The following DRP2 variants were observed in gnomAD, a reference collection of about 807,000 sequenced individuals.
DRP2 encodes the protein dystrophin related protein 2, also known as dystrophin-related protein 2.
A neutral mutation model predicts 78.2 loss-of-function variants in DRP2; 29 were observed. The ratio of observed to expected loss-of-function variants is 0.37; its 90% CI spans 0.28 to 0.51. The LOEUF is 0.51. DRP2 is among the 20% of genes least tolerant of loss of function. The pLI is 0.94. For missense variants in DRP2, 686 were observed against 770.6 expected, an observed-to-expected ratio of 0.89 and a Z score of 1.30; for synonymous variants, 290 against 281.9, an observed-to-expected ratio of 1.03 and a Z score of -0.29.
At chrX:101,223,428 T>C (rs1265000387) in intron 1 of DRP2, among the ~76,000 whole-genome samples, 1 of 112,590 alleles carries the variant, frequency 8.9e-6, no homozygotes, top group Non-Finnish European at 1.9e-5. Context: ...CTTTATCTAT[T>C]CTGCTGTTGA....
intron 2 of DRP2, among the ~76,000 whole-genome samples, chrX:101,231,355 G>C (rs955703815): frequency 1.9e-4 from 21 of 112,049 alleles, no homozygotes; most frequent in African/African-American, 6.8e-4. Flanking sequence ...CTTAGGCTTT[G>C]AGATCTCAGC....
rs147146111 is a variant in DRP2, at chrX:101,246,313, G to A, written c.1178-777G>A. Among the ~76,000 whole-genome samples, 135 of 112,466 alleles carry A rather than the reference G, an allele frequency of 1.2e-3. No individual in the cohort carries two copies. The East Asian group carries it at 0.018, about 15-fold the overall frequency. On this transcript the variant is annotated intron_variant, in intron 11 of 23. Coordinates refer to ENST00000395209, the MANE Select transcript of DRP2 (RefSeq NM_001939.3). ...AAAGACTGTCCAGGCTGTGATGAGC[G>A]TAACTCTTGTGTGCCTTATCTTTGC...
chrX:101,255,399 C>T lies in DRP2; in HGVS notation c.2246+150C>T, dbSNP rs144388102. On this transcript the variant is annotated intron_variant, in intron 20 of 23. Transcript: ENST00000395209. Reference sequence around the variant, plus strand: ...AGGAAGGAAGGCTGCTTTCTGGGCACGGTGTTCAGTAAGAAAGGCAGTCTT... The same window carrying T: ...AGGAAGGAAGGCTGCTTTCTGGGCATGGTGTTCAGTAAGAAAGGCAGTCTT... 2.3e-3 allele frequency: 1,210 copies of T among 533,417 alleles called. 12 individuals carry two copies. In the African/African-American group the frequency reaches 0.025, roughly 11 times the overall value. 44.0% of individuals were successfully genotyped at this position (533,417 alleles called of 1,213,427 possible). A position where few individuals can be genotyped will look rare whatever the true frequency, so the allele number is the denominator to read the frequency against.
intron 1 of DRP2, among the ~76,000 whole-genome samples, chrX:101,224,198 T>G (rs1445459559): frequency 2.4e-4 from 15 of 61,412 alleles, no homozygotes; most frequent in South Asian, 1.0e-3. Context: ...TTTGTTTTTT[T>G]TTTTTTTTTT....
At position 101,250,966 on chromosome X, in the gene DRP2, A is replaced by G; in HGVS notation, c.1748A>G (p.Asn583Ser). 1 of 1,211,681 alleles carries G rather than the reference A, an allele frequency of 8.3e-7. No homozygotes were observed. The highest frequency in any genetic ancestry group is 1.8e-5 in the South Asian group (1 of 56,943). The change falls in exon 16 of 24, where the codon AAC becomes AGC. Residue 583 changes from asparagine to serine, a missense_variant. Asn to Ser is a conservative substitution (Grantham distance 46). Coordinates refer to ENST00000395209, the MANE Select transcript of DRP2 (RefSeq NM_001939.3). ...GCATCCCAGTTCCTGGAGTGGGTCAACCTGGAGCCCCAGTCCATGGTGTGG... is the reference window on the plus strand; with the variant it reads ...GCATCCCAGTTCCTGGAGTGGGTCAGCCTGGAGCCCCAGTCCATGGTGTGG... ...IEASQFLEWV[N>S]LEPQSMVWLA...
rs1260723771 is a variant in DRP2 at position 101,252,471 on chromosome X, G to A, written c.1866-134G>A. 3 of 475,056 alleles carry A rather than the reference G, an allele frequency of 6.3e-6. No individual in the cohort carries two copies. The East Asian group carries it at 1.1e-4, about 17-fold the overall frequency. 39.1% of individuals were successfully genotyped at this position (475,056 alleles called of 1,213,427 possible). On this transcript the variant is annotated intron_variant, in intron 16 of 23. Coordinates refer to ENST00000395209, the MANE Select transcript of DRP2 (RefSeq NM_001939.3). Reference sequence around the variant, plus strand: ...ATTCAGCCACTGCTATGTATACGAGGTTGGGCATGTTATGGCTCCATGCCT... The same window carrying A: ...ATTCAGCCACTGCTATGTATACGAGATTGGGCATGTTATGGCTCCATGCCT...
intron 9 of DRP2, among the ~76,000 whole-genome samples, chrX:101,244,781 A>G (rs1311094925): frequency 8.9e-6 from 1 of 112,540 alleles, no homozygotes; most frequent in African/African-American, 3.2e-5. Context: ...CATCTCTGGT[A>G]TGTTAGGATA....
Position 101,239,034 on chromosome X carries a change from G to T in DRP2, c.492G>T (p.Glu164Asp). Residue 164 changes from glutamate (E) to aspartate (D), a missense_variant, in exon 6 of 24, where the codon GAG becomes GAT. Glu to Asp is a conservative substitution (Grantham distance 45, BLOSUM62 2). Coordinates refer to ENST00000395209, the MANE Select transcript of DRP2 (RefSeq NM_001939.3). ...SRGPYIYSVL[E>D]SAQAFLSQHP... Reference sequence around the variant, plus strand: ...GCCCCTACATCTATTCTGTGCTGGAGTCAGCTCAGGCCTTCCTGTCCCAGC... The same window carrying T: ...GCCCCTACATCTATTCTGTGCTGGATTCAGCTCAGGCCTTCCTGTCCCAGC... 4.1e-6 allele frequency: 5 copies of T among 1,211,017 alleles called. No homozygotes were observed. Among genetic ancestry groups the T allele is most frequent in the Non-Finnish European group, 5.6e-6 (5 of 895,018 alleles).
chrX:101,254,318 C>G, intron 17 of DRP2, 107 bp from the exon 18 acceptor site: 1 of 1,013,029 alleles, frequency 9.9e-7, no homozygotes, highest in Non-Finnish European at 1.4e-6. Flanking sequence ...TGGGCATGAG[C>G]AAGAGTGGAT....
intron 3 of DRP2, among the ~76,000 whole-genome samples, chrX:101,232,793 G>T (rs754397570): frequency 8.9e-6 from 1 of 112,247 alleles, no homozygotes; most frequent in African/African-American, 3.2e-5. Flanking sequence ...TCACAGGGTC[G>T]AGGGATTAAG....
chrX:101,260,010 A>G (rs1421785923), intron 22 of DRP2, 39 bp from the exon 23 acceptor site: 17 of 1,206,719 alleles, frequency 1.4e-5, no homozygotes, highest in South Asian at 5.4e-5. Flanking sequence ...TAAGGTCAGG[A>G]AGGCAAATCC....
rs762746845 is a variant in DRP2 at position 101,248,258 on chromosome X, G to A, written c.1422G>A (p.Met474Ile). The A allele has an allele frequency of 8.3e-7, 1 of 1,211,674 alleles. No individual in the cohort carries two copies. The highest frequency in any genetic ancestry group is 1.7e-5 in the African/African-American group (1 of 57,766). ...ILVNVPLCVD[M>I]SLNWLLNVFD... Reference sequence around the variant, plus strand: ...TCAACGTGCCACTCTGTGTGGACATGAGCCTCAATTGGCTCCTCAATGTTT... The same window carrying A: ...TCAACGTGCCACTCTGTGTGGACATAAGCCTCAATTGGCTCCTCAATGTTT... Residue 474 changes from methionine to isoleucine, a missense_variant, in exon 13 of 24, where the codon ATG (methionine) becomes ATA (isoleucine). Transcript: ENST00000395209.
chrX:101,248,510 C>A lies in DRP2; in HGVS notation c.1455-4C>A. ...TATTCTCAGTCTCTTCTTTTTAAAC[C>A]TAGTGGTCGCAGCGGAAAGATGCGG... On this transcript the variant is annotated splice_polypyrimidine_tract_variant and splice_region_variant and intron_variant, in intron 13 of 23. Coordinates refer to ENST00000395209, the MANE Select transcript of DRP2 (RefSeq NM_001939.3). 4 of 1,209,819 alleles carry A rather than the reference C, an allele frequency of 3.3e-6. No individual in the cohort carries two copies. The highest frequency in any genetic ancestry group is 4.5e-6 in the Non-Finnish European group (4 of 893,992).
In DRP2 at chrX:101,231,623, A is replaced by G; in HGVS notation, c.-25A>G. 8.6e-7 allele frequency: 1 copy of G among 1,157,006 alleles called. No individual in the cohort carries two copies. The highest frequency in any genetic ancestry group is 1.2e-6 in the Non-Finnish European group (1 of 846,028). On this transcript the variant is annotated 5_prime_UTR_variant, in exon 3 of 24. Transcript: ENST00000395209. Reference sequence around the variant, plus strand: ...AATAGTTGGTGCACTGCCTATCCTCATCCCCCCCATGAGCCTTGGTTTTTA... The same window carrying G: ...AATAGTTGGTGCACTGCCTATCCTCGTCCCCCCCATGAGCCTTGGTTTTTA...
chrX:101,242,869 A>C (rs777721640), intron 8 of DRP2, 35 bp from the exon 9 acceptor site: 1 of 1,172,402 alleles, frequency 8.5e-7, no homozygotes. Flanking sequence ...AATAGCTGGA[A>C]TGAATCTACT....
Position 101,235,937 on chromosome X carries a change from C to T in DRP2, c.195C>T (p.Asn65=), listed in dbSNP as rs764536529. Residue 65 remains asparagine (N), a synonymous_variant, in exon 4 of 24, where the codon AAC becomes AAT. Transcript: ENST00000395209. ...CCTGCCTAAGCCTAAAGCTGTTGAA[C>T]GGGTCTGTTGGTGCCTCTGGACCCC... is the stretch of plus-strand genomic sequence containing the variant. The part of the protein sequence containing the change: ...GVPCLSLKLL[N]GSVGASGPLE... 8.2e-5 allele frequency: 99 copies of T among 1,210,228 alleles called. No individual in the cohort carries two copies. Among genetic ancestry groups the T allele is most frequent in the Admixed American group, 1.1e-4 (5 of 45,852 alleles).
At position 101,250,945 on chromosome X, in the gene DRP2, C is replaced by G. The variant is rs1409491457; in HGVS notation, c.1727C>G (p.Ser576Cys). 1 of 1,209,719 alleles carries G rather than the reference C, an allele frequency of 8.3e-7. No individual in the cohort carries two copies. The highest frequency in any genetic ancestry group is 1.8e-5 in the African/African-American group (1 of 57,127). ...ACCGGGAAGCCAGTCATTGAAGCAT[C>G]CCAGTTCCTGGAGTGGGTCAACCTG... is the stretch of plus-strand genomic sequence containing the variant. ...FSTGKPVIEASQFLEWVNLEP... is the reference protein window; with the variant it reads ...FSTGKPVIEACQFLEWVNLEP... The change falls in exon 16 of 24, where the codon TCC becomes TGC. Residue 576 changes from serine (S) to cysteine (C), a missense_variant. Ser to Cys is a moderately radical substitution (Grantham distance 112, BLOSUM62 -1). Around this residue, in one of 2 missense-constraint regions of DRP2, gnomAD observed 423 missense variants for 531.5 expected, o/e 0.80. Transcript: ENST00000395209.
intron 22 of DRP2, 122 bp downstream of exon 22, chrX:101,258,668 C>G: frequency 4.9e-6 from 3 of 614,937 alleles, no homozygotes; most frequent in African/African-American, 2.3e-5. Flanking sequence ...TGTCAGGTAA[C>G]TTCCTGAAGA....
intron 15 of DRP2, 30 bp downstream of exon 15, chrX:101,250,610 G>T: frequency 8.6e-7 from 1 of 1,167,164 alleles, no homozygotes; most frequent in South Asian, 2.0e-5. Context: ...GTGGGGGAGG[G>T]AAGGGAGGTT....
Sources: gnomAD v4.1 joint callset for allele counts (sites outside exome capture counted in the v4.1 genomes callset) on GRCh38, gnomAD v4.1.1 for gene constraint, gnomAD v4.1.1 regional missense constraint, MANE v1.5 for transcripts, NCBI Gene and HGNC (gene_info 2026-07-23, HGNC 2026-07-21) for gene names.